The following DSCAML1 variants were observed in gnomAD, a reference collection of about 807,000 sequenced individuals.
The protein encoded by DSCAML1 is DS cell adhesion molecule like 1, also known as cell adhesion molecule DSCAML1.
Under a neutral mutation model 200.5 loss-of-function variants are expected in DSCAML1, and 38 were observed. The ratio of observed to expected loss-of-function variants is 0.19; its 90% confidence interval spans 0.15 to 0.25. The LOEUF (loss-of-function observed/expected upper bound fraction) is 0.25, where lower values mean the gene tolerates loss of function less well. DSCAML1 is among the 10% of genes least tolerant of loss of function. DSCAML1 has a pLI of 1.00. For missense variants in DSCAML1, 2,223 were observed against 2,858.8 expected (o/e 0.78, Z 5.07); for synonymous variants, 1,215 against 1,165.0 (o/e 1.04, Z -0.87).
intron 3 of DSCAML1, among the ~76,000 whole-genome samples, chr11:117,632,497 T>C (rs2052195874): frequency 6.6e-6 from 1 of 152,166 alleles, no homozygotes; most frequent in Non-Finnish European, 1.5e-5. Flanking sequence ...CCCACCAGCC[T>C]GGCCCCCCGC....
chr11:117,514,441 G>A (rs1416606789), intron 8 of DSCAML1, among the ~76,000 whole-genome samples: 2 of 151,574 alleles, frequency 1.3e-5, no homozygotes, highest in African/African-American at 2.4e-5. Flanking sequence ...TGGAGCAAAC[G>A]GTCCTCCCTC....
chr11:117,568,970 T>C (rs1031389919), intron 3 of DSCAML1, among the ~76,000 whole-genome samples: 9 of 152,102 alleles, frequency 5.9e-5, no homozygotes, highest in African/African-American at 2.2e-4. Context: ...CTTCAAACTA[T>C]ACTACAAGGC....
intron 24 of DSCAML1, 50 bp from the exon 25 acceptor site, chr11:117,438,133 C>T: frequency 6.5e-7 from 1 of 1,537,432 alleles, no homozygotes; most frequent in Non-Finnish European, 8.8e-7. Flanking sequence ...GGCAAGGCAG[C>T]AGAAGCCCAG....
intron 1 of DSCAML1, among the ~76,000 whole-genome samples, chr11:117,784,497 A>T (rs2055316007): frequency 6.6e-6 from 1 of 152,222 alleles, no homozygotes; most frequent in South Asian, 2.1e-4. Flanking sequence ...TGGCCACAGA[A>T]GCAATGGGTG....
chr11:117,485,555 G>C (rs2049029724), intron 11 of DSCAML1, among the ~76,000 whole-genome samples: 1 of 152,196 alleles, frequency 6.6e-6, no homozygotes, highest in Admixed American at 6.5e-5. Flanking sequence ...TAACTTCTGT[G>C]AGCCCCACGG....
upstream of DSCAML1, chr11:117,801,245 A>G (rs1446308768): frequency 5.9e-5 from 9 of 152,246 alleles, no homozygotes; most frequent in Admixed American, 6.5e-5. Flanking sequence ...TACCTGTGAC[A>G]AGTCACCTTG....
intron 1 of DSCAML1, among the ~76,000 whole-genome samples, chr11:117,807,155 C>A (rs1165476396): frequency 2.6e-5 from 4 of 152,346 alleles, no homozygotes; most frequent in East Asian, 1.9e-4. Context: ...CAGCGGGTAG[C>A]CTGTCCCCAG....
At chr11:117,521,960 C>T (rs1209368011) in intron 5 of DSCAML1, among the ~76,000 whole-genome samples, 1 of 152,218 alleles carries the variant, frequency 6.6e-6, no homozygotes, top group Non-Finnish European at 1.5e-5. Context: ...CTCCATGCTG[C>T]AGCCAGCCAC....
intron 3 of DSCAML1, among the ~76,000 whole-genome samples, chr11:117,631,177 C>T (rs2052164439): frequency 6.6e-6 from 1 of 152,240 alleles, no homozygotes; most frequent in Non-Finnish European, 1.5e-5. Context: ...GCCCTATAGC[C>T]TGAGGACACA....
In DSCAML1 at chr11:117,498,320, GCCGTCC is replaced by G. The variant is rs1287646493; in HGVS notation, c.2359+5519_2359+5524del. 6.6e-6 allele frequency among the ~76,000 whole-genome samples: 1 copy of G among 152,224 alleles called. No homozygotes were observed. The highest frequency in any genetic ancestry group is 2.4e-5 in the African/African-American group (1 of 41,458). On this transcript the variant is annotated intron_variant, in intron 11 of 32. Transcript: ENST00000651296. The surrounding 1 kb of genome is among the most constrained non-coding windows in gnomAD (Gnocchi z 4.0). ...GCTCCACTTACATGCTCTGCCAACA[GCCGTCC>G]CTCAGCTCTAGGGGTCACGGCGGTG...
intron 3 of DSCAML1, among the ~76,000 whole-genome samples, chr11:117,536,263 TAC>T (rs2050167670): frequency 6.6e-6 from 1 of 152,134 alleles, no homozygotes. Flanking sequence ...GTGAGCCTCA[TAC>T]AGTGTGGAGA....
intron 1 of DSCAML1, among the ~76,000 whole-genome samples, chr11:117,784,524 G>A (rs1372319819): frequency 6.6e-6 from 1 of 152,198 alleles, no homozygotes; most frequent in Non-Finnish European, 1.5e-5. Flanking sequence ...GAACTCCAGG[G>A]ACAGAAGGGG....
intron 16 of DSCAML1, among the ~76,000 whole-genome samples, chr11:117,468,474 T>G (rs571411894): frequency 2.5e-4 from 38 of 152,206 alleles, no homozygotes; most frequent in Non-Finnish European, 4.4e-4. Context: ...AGCCCAATGT[T>G]TCAGTACTTT....
intron 3 of DSCAML1, among the ~76,000 whole-genome samples, chr11:117,602,062 G>A (rs148875409): frequency 2.7e-4 from 41 of 152,386 alleles, no homozygotes; most frequent in African/African-American, 8.4e-4. Flanking sequence ...TCTTGGCATT[G>A]CATGTCTCCC....
chr11:117,795,647 G>A (rs889876970), intron 1 of DSCAML1, among the ~76,000 whole-genome samples: 1 of 152,166 alleles, frequency 6.6e-6, no homozygotes, highest in African/African-American at 2.4e-5. Context: ...CCCGCAATCC[G>A]ATCGCCTAGT....
At chr11:117,656,545 A>ATCTG (rs1565855418) in intron 3 of DSCAML1, among the ~76,000 whole-genome samples, 1 of 148,810 alleles carries the variant, frequency 6.7e-6, no homozygotes, top group East Asian at 2.0e-4. Context: ...CTATCTATCT[A>ATCTG]TCCATCCATC....
At position 117,433,423 on chromosome 11, in the gene DSCAML1, C is replaced by T. The variant is rs748491153; in HGVS notation, c.4907+18G>A. 6.2e-7 allele frequency: 1 copy of T among 1,613,156 alleles called. No individual in the cohort carries two copies. The highest frequency in any genetic ancestry group is 1.1e-5 in the South Asian group (1 of 90,662). On this transcript the variant is annotated intron_variant, in intron 28 of 32. Transcript: ENST00000651296. The stretch of plus-strand genomic sequence containing the variant: ...AGGGGAGAAGGGAGGAGAAAGGAAG[C>T]AGCTTGGTGATACCCACCTTATCAA...
chr11:117,622,256 G>A (rs1450754918), intron 3 of DSCAML1, among the ~76,000 whole-genome samples: 1 of 152,194 alleles, frequency 6.6e-6, no homozygotes, highest in African/African-American at 2.4e-5. Context: ...GCTTTGTGCT[G>A]TACCCTGCTT....
Position 117,499,403 on chromosome 11 carries a change from C to T in DSCAML1, c.2359+4442G>A, listed in dbSNP as rs369178347. On this transcript the variant is annotated intron_variant, in intron 11 of 32. Coordinates refer to ENST00000651296, the MANE Select transcript of DSCAML1 (RefSeq NM_020693.4). ...GTCATCTAGTGACTAGATCTTAGTT[C>T]AGGCCTCTCACTGTATGGATGAGGA... 4.4e-4 allele frequency among the ~76,000 whole-genome samples: 67 copies of T among 152,228 alleles called. No individual in the cohort carries two copies. The South Asian group carries it at 0.013, about 30-fold the overall frequency.
Sources: gnomAD v4.1 joint callset for allele counts (sites outside exome capture counted in the v4.1 genomes callset) on GRCh38, gnomAD v4.1.1 for gene constraint, Gnocchi (gnomAD v3.1) non-coding constraint, MANE v1.5 for transcripts, NCBI Gene and HGNC (gene_info 2026-07-23, HGNC 2026-07-21) for gene names.